The following HIPK3 variants were observed in gnomAD, a reference collection of about 807,000 sequenced individuals.
HIPK3 encodes homeodomain-interacting protein kinase 3.
In HIPK3, 47 loss-of-function variants were observed where a neutral mutation model predicts 124.2. That is an observed-to-expected ratio of 0.38 (90% CI 0.30 to 0.48). The LOEUF (loss-of-function observed/expected upper bound fraction) is 0.48. Among genes scored for constraint, HIPK3 ranks in the 20% least tolerant of loss-of-function variants. HIPK3 has a pLI of 0.98. For synonymous variants in HIPK3, 482 were observed against 515.2 expected, an observed-to-expected ratio of 0.94 and a Z score of 0.87; for missense variants, 1,286 against 1,454.3, an observed-to-expected ratio of 0.88 and a Z score of 1.88.
At chr11:33,338,615 TAC>T in intron 4 of HIPK3, 140 bp from the exon 5 acceptor site, 1 of 474,050 alleles carries the variant, frequency 2.1e-6, no homozygotes, top group Non-Finnish European at 3.6e-6. Flanking sequence ...TTTTTGCGTA[TAC>T]TTTAAAAAAT....
chr11:33,315,439 A>G lies in HIPK3; in HGVS notation c.1098-13071A>G, dbSNP rs188642935. On this transcript the variant is annotated intron_variant, in intron 2 of 16. Coordinates refer to ENST00000303296, the MANE Select transcript of HIPK3 (RefSeq NM_005734.5). Reference sequence around the variant, plus strand: ...ATGGGGCTTCACCATGTTGGCCAGGATGGTCTTGATCTCCTGACCTCGTGA... The same window carrying G: ...ATGGGGCTTCACCATGTTGGCCAGGGTGGTCTTGATCTCCTGACCTCGTGA... Among the ~76,000 whole-genome samples the G allele has an allele frequency of 2.6e-4, 39 of 152,224 alleles. No individual in the cohort carries two copies. In the East Asian group the frequency reaches 4.3e-3, roughly 17 times the overall value.
intron 2 of HIPK3, among the ~76,000 whole-genome samples, chr11:33,312,269 C>T (rs1313881320): frequency 6.6e-6 from 1 of 152,120 alleles, no homozygotes; most frequent in Non-Finnish European, 1.5e-5. Context: ...GCCTTGATGG[C>T]TCCTGGCAGT....
chr11:33,318,862 A>T (rs1852581298), intron 2 of HIPK3, among the ~76,000 whole-genome samples: 1 of 152,208 alleles, frequency 6.6e-6, no homozygotes, highest in Non-Finnish European at 1.5e-5. Context: ...CTTCTGGGCC[A>T]ATTTCTAGGT....
intron 12 of HIPK3, 131 bp from the exon 13 acceptor site, chr11:33,348,391 A>G (rs1853560651): frequency 9.9e-7 from 1 of 1,011,080 alleles, no homozygotes; most frequent in African/African-American, 1.6e-5. Context: ...AAAACTCAAG[A>G]TCTGTTAGTG....
intron 2 of HIPK3, among the ~76,000 whole-genome samples, chr11:33,304,355 C>T (rs766140434): frequency 9.9e-5 from 15 of 152,194 alleles, no homozygotes; most frequent in Non-Finnish European, 2.1e-4. Context: ...TTCGGGACTT[C>T]GAGACCAACC....
At chr11:33,293,171 AGTT>A (rs1851745849) in intron 2 of HIPK3, among the ~76,000 whole-genome samples, 1 of 152,122 alleles carries the variant, frequency 6.6e-6, no homozygotes, top group African/African-American at 2.4e-5. Flanking sequence ...AGAGCTCTTA[AGTT>A]TTTTTGTTTT....
Position 33,351,673 on chromosome 11 carries a change from C to T in HIPK3, c.2873C>T (p.Ser958Phe). The change falls in exon 15 of 17, where the codon TCC becomes TTC. Residue 958 changes from serine to phenylalanine, a missense_variant. Physicochemically the swap from Ser to Phe is radical, Grantham distance 155. Around this residue, in one of 3 missense-constraint regions of HIPK3, gnomAD observed 810 missense variants for 864.9 expected, o/e 0.94. Coordinates refer to ENST00000303296, the MANE Select transcript of HIPK3 (RefSeq NM_005734.5). ...GATGGCTCTCCGACATCTGACTCTTCCGGGCATGACAGTCCATTTGCAGAG... is the reference window on the plus strand; with the variant it reads ...GATGGCTCTCCGACATCTGACTCTTTCGGGCATGACAGTCCATTTGCAGAG... ...TVDGSPTSDS[S>F]GHDSPFAEST... The T allele has an allele frequency of 6.2e-7, 1 of 1,614,176 alleles. No homozygotes were observed. Among genetic ancestry groups the T allele is most frequent in the Non-Finnish European group, 8.5e-7 (1 of 1,180,024 alleles).
intron 2 of HIPK3, among the ~76,000 whole-genome samples, chr11:33,325,387 A>G (rs1384047876): frequency 1.3e-5 from 2 of 152,244 alleles, no homozygotes; most frequent in Non-Finnish European, 2.9e-5. Flanking sequence ...CAAAATAATC[A>G]TAAAACTTTT....
chr11:33,291,156 T>C (rs1187699579), intron 2 of HIPK3, among the ~76,000 whole-genome samples: 1 of 152,204 alleles, frequency 6.6e-6, no homozygotes, highest in African/African-American at 2.4e-5. Flanking sequence ...CAGATACCAC[T>C]ACTCTGTTTA....
At chr11:33,343,208 TAA>T (rs1057151344) in intron 8 of HIPK3, among the ~76,000 whole-genome samples, 1 of 152,056 alleles carries the variant, frequency 6.6e-6, no homozygotes, top group African/African-American at 2.4e-5. Flanking sequence ...TGGCCATTTC[TAA>T]CTCTAATATA....
chr11:33,308,476 A>AT (rs1852228742), intron 2 of HIPK3, among the ~76,000 whole-genome samples: 1 of 152,148 alleles, frequency 6.6e-6, no homozygotes, highest in Admixed American at 6.5e-5. Context: ...ACATCATTCC[A>AT]TTTAATTCTG....
intron 2 of HIPK3, among the ~76,000 whole-genome samples, chr11:33,302,692 A>G (rs1459072277): frequency 1.3e-5 from 2 of 152,192 alleles, no homozygotes; most frequent in African/African-American, 2.4e-5. Context: ...AGTGATTTCA[A>G]TAATATGAAG....
At chr11:33,344,611 G>A (rs1057008775) in intron 8 of HIPK3, among the ~76,000 whole-genome samples, 5 of 152,136 alleles carry the variant, frequency 3.3e-5, no homozygotes, top group African/African-American at 7.2e-5. Flanking sequence ...TACAATATGG[G>A]ATAATCGAAG....
At chr11:33,340,853 G>T (rs1161749687) in intron 6 of HIPK3, 115 bp from the exon 7 acceptor site, 1 of 568,072 alleles carries the variant, frequency 1.8e-6, no homozygotes, top group African/African-American at 1.9e-5. Context: ...AGCAGATTAA[G>T]TGCAAATTAG....
At chr11:33,288,455 CA>C (rs986899342) in intron 2 of HIPK3, among the ~76,000 whole-genome samples, 1 of 152,006 alleles carries the variant, frequency 6.6e-6, no homozygotes. Flanking sequence ...AACTCTGTCT[CA>C]AAAAAACAAA....
At chr11:33,338,885 T>A in intron 5 of HIPK3, 42 bp downstream of exon 5, 1 of 1,402,492 alleles carries the variant, frequency 7.1e-7, no homozygotes, top group Non-Finnish European at 1.0e-6. Flanking sequence ...CATGCTTAGA[T>A]GGTAGACTTG....
At chr11:33,346,713 A>T (rs1853503935) in intron 8 of HIPK3, among the ~76,000 whole-genome samples, 1 of 152,222 alleles carries the variant, frequency 6.6e-6, no homozygotes, top group African/African-American at 2.4e-5. Context: ...AACTTCGGAG[A>T]TGAGAAGTTT....
At chr11:33,285,581 AT>A (rs1565063207) in intron 1 of HIPK3, among the ~76,000 whole-genome samples, 9 of 44,102 alleles carry the variant, frequency 2.0e-4, no homozygotes, top group African/African-American at 8.3e-4. Context: ...AAAAAAAAAT[AT>A]ATATATATAT....
At chr11:33,259,456 A>G (rs1233578428) in intron 1 of HIPK3, among the ~76,000 whole-genome samples, 1 of 152,264 alleles carries the variant, frequency 6.6e-6, no homozygotes, top group Non-Finnish European at 1.5e-5. Context: ...TAAACAAAAT[A>G]TGACTGACCT....
Sources: allele counts gnomAD v4.1 joint callset (sites outside exome capture counted in the v4.1 genomes callset), GRCh38; gene constraint gnomAD v4.1.1; regional missense constraint gnomAD v4.1.1; transcripts MANE v1.5; gene names NCBI Gene and HGNC (gene_info 2026-07-23, HGNC 2026-07-21).